ENTPD1: variants seen among roughly 807,000 people sequenced by gnomAD.
ENTPD1 encodes ectonucleoside triphosphate diphosphohydrolase 1.
In ENTPD1, 33 loss-of-function variants were observed where a neutral mutation model predicts 57.0. The ratio of observed to expected loss-of-function variants is 0.58; its 90% confidence interval spans 0.44 to 0.77. The LOEUF (loss-of-function observed/expected upper bound fraction) is 0.77, where lower values mean the gene tolerates loss of function less well. Among genes scored for constraint, ENTPD1 ranks in the 30% least tolerant of loss-of-function variants. ENTPD1 has a pLI of 0.00. For missense variants in ENTPD1, 501 were observed against 603.4 expected (o/e 0.83, Z 1.78); for synonymous variants, 202 against 218.8 (o/e 0.92, Z 0.68).
intron 3 of ENTPD1, among the ~76,000 whole-genome samples, chr10:95,840,189 G>T (rs1369226362): frequency 1.3e-5 from 2 of 152,198 alleles, no homozygotes; most frequent in African/African-American, 4.8e-5. Flanking sequence ...CCACTTGTTT[G>T]TTACTCAAGC....
chr10:95,791,253 T>C lies in ENTPD1; in HGVS notation c.17-31984T>C, dbSNP rs1421497448. On this transcript the variant is annotated intron_variant, in intron 1 of 9. Transcript: ENST00000371205. This position sits in a 1 kb window ranked among gnomAD's most constrained non-coding sequence, Gnocchi z 4.1. ...ACTTCACTGTATCTGCTATATTCAG[T>C]TCAGAGCAATGTATTTTGAGAAGGA... Among the ~76,000 whole-genome samples the C allele has an allele frequency of 6.6e-6, 1 of 152,150 alleles. No homozygotes were observed. Among genetic ancestry groups the C allele is most frequent in the East Asian group, 1.9e-4 (1 of 5,192 alleles).
At chr10:95,796,302 G>A (rs1432882355) in intron 1 of ENTPD1, among the ~76,000 whole-genome samples, 2 of 152,170 alleles carry the variant, frequency 1.3e-5, no homozygotes, top group African/African-American at 2.4e-5. Flanking sequence ...GGTGCTATGA[G>A]AGGATTGCAA....
intron 1 of ENTPD1, among the ~76,000 whole-genome samples, chr10:95,798,862 A>G (rs2140317717): frequency 6.6e-6 from 1 of 152,306 alleles, no homozygotes; most frequent in East Asian, 1.9e-4. Flanking sequence ...TATTGTCTGC[A>G]TTGGCCTTCC....
At chr10:95,837,317 C>G (rs1447583595) in intron 2 of ENTPD1, among the ~76,000 whole-genome samples, 2 of 152,222 alleles carry the variant, frequency 1.3e-5, no homozygotes, top group Admixed American at 6.5e-5. Context: ...ATCAGGGGCT[C>G]TGTTAGGAAA....
Position 95,868,380 on chromosome 10 carries a change from A to C in ENTPD1, c.*1997A>C. ...CCTGATAGGCTTGTAATTTAATATC[A>C]TTCTGTTCATGTGCTTTGGATGGAA... On this transcript the variant is annotated 3_prime_UTR_variant, in exon 10 of 10. Transcript: ENST00000371205. The C allele has an allele frequency of 2.0e-6, 2 of 985,414 alleles. No individual in the cohort carries two copies. The highest frequency in any genetic ancestry group is 2.4e-6 in the Non-Finnish European group (2 of 829,928). 61.0% of individuals were successfully genotyped at this position (985,414 alleles called of 1,614,324 possible).
chr10:95,698,947 C>G, the ENTPD1 span, among the ~76,000 whole-genome samples: 19 of 152,118 alleles, frequency 1.2e-4, no homozygotes, highest in African/African-American at 3.6e-4. Flanking sequence ...GGTGGACACA[C>G]ACTCAAAAGA....
At chr10:95,764,839 C>T (rs4320886) in intron 1 of ENTPD1, among the ~76,000 whole-genome samples, 40,710 of 150,886 alleles carry the variant, frequency 0.27, 6,316 homozygotes, top group Admixed American at 0.39. Context: ...TCTCCTGCCT[C>T]AGCCTCCGGA....
intron 1 of ENTPD1, among the ~76,000 whole-genome samples, chr10:95,761,905 A>G (rs549251173): frequency 2.0e-5 from 3 of 152,332 alleles, no homozygotes; most frequent in African/African-American, 7.2e-5. Flanking sequence ...AGTGTGCCTG[A>G]GGCATTGTCT....
chr10:95,845,247 C>A (rs1590124748), intron 5 of ENTPD1, 110 bp from the exon 6 acceptor site: 1 of 1,503,158 alleles, frequency 6.7e-7, no homozygotes, highest in Non-Finnish European at 9.2e-7. Flanking sequence ...AGCTTTGCCT[C>A]ACCTTTATGC....
At chr10:95,771,412 C>A (rs913484502) in intron 1 of ENTPD1, among the ~76,000 whole-genome samples, 1 of 152,150 alleles carries the variant, frequency 6.6e-6, no homozygotes, top group Non-Finnish European at 1.5e-5. Flanking sequence ...AAATTTCTTT[C>A]CAAATTTCAG....
intron 2 of ENTPD1, among the ~76,000 whole-genome samples, chr10:95,824,086 AATATGGTC>A (rs775907934): frequency 7.9e-5 from 12 of 152,252 alleles, no homozygotes; most frequent in Non-Finnish European, 1.6e-4. Flanking sequence ...AGTACTTTGT[AATATGGTC>A]ATTATATTTT....
intron 2 of ENTPD1, among the ~76,000 whole-genome samples, chr10:95,829,912 G>C (rs1255955037): frequency 6.6e-6 from 1 of 152,024 alleles, no homozygotes; most frequent in Non-Finnish European, 1.5e-5. Flanking sequence ...TCACAGGGTG[G>C]GTTAGTTATT....
intron 8 of ENTPD1, among the ~76,000 whole-genome samples, chr10:95,860,825 G>A (rs1156575885): frequency 1.3e-5 from 2 of 152,204 alleles, no homozygotes; most frequent in African/African-American, 4.8e-5. Context: ...GTAGGCAGCT[G>A]CTGGCATGGG....
At chr10:95,731,410 G>T (rs1020382020) in intron 1 of ENTPD1, among the ~76,000 whole-genome samples, 1 of 152,146 alleles carries the variant, frequency 6.6e-6, no homozygotes, top group South Asian at 2.1e-4. Context: ...GACCCTCTGG[G>T]CCCCCTACCC....
chr10:95,743,292 A>T (rs1368022058), intron 1 of ENTPD1, among the ~76,000 whole-genome samples: 1 of 152,204 alleles, frequency 6.6e-6, no homozygotes, highest in African/African-American at 2.4e-5. Flanking sequence ...TGCCATTTTC[A>T]TCACATCATA....
chr10:95,801,772 A>G (rs910504642), intron 1 of ENTPD1, among the ~76,000 whole-genome samples: 2 of 152,114 alleles, frequency 1.3e-5, no homozygotes, highest in African/African-American at 4.8e-5. Context: ...TGATGCCTCC[A>G]GCTTTGTTCT....
chr10:95,803,181 G>A (rs4918969), intron 1 of ENTPD1, among the ~76,000 whole-genome samples: 76,323 of 151,970 alleles, frequency 0.5, 19,659 homozygotes, highest in Admixed American at 0.6. Flanking sequence ...GAATCTTCCT[G>A]TCCATGAGCA....
chr10:95,716,478 T>C (rs1172781975), intron 1 of ENTPD1, among the ~76,000 whole-genome samples: 1 of 152,186 alleles, frequency 6.6e-6, no homozygotes, highest in African/African-American at 2.4e-5. Flanking sequence ...AAAAGGCATT[T>C]GAGTCATGAA....
intron 1 of ENTPD1, among the ~76,000 whole-genome samples, chr10:95,818,340 T>C (rs940403757): frequency 6.6e-6 from 1 of 152,036 alleles, no homozygotes; most frequent in South Asian, 2.1e-4. Flanking sequence ...GATCTGTTGG[T>C]TGGAATGGTA....
Sources: gnomAD v4.1 joint callset for allele counts (sites outside exome capture counted in the v4.1 genomes callset) on GRCh38, gnomAD v4.1.1 for gene constraint, Gnocchi (gnomAD v3.1) non-coding constraint, MANE v1.5 for transcripts, NCBI Gene and HGNC (gene_info 2026-07-23, HGNC 2026-07-21) for gene names.